EXTL3: variants seen among roughly 807,000 people sequenced by gnomAD.
The protein encoded by EXTL3 is exostosin-like 3.
Under a neutral mutation model 69.3 loss-of-function variants are expected in EXTL3, and 27 were observed. The observed-to-expected ratio is 0.39, with a 90% CI of 0.29 to 0.54. The LOEUF is 0.54. Among genes scored for constraint, EXTL3 ranks in the 20% least tolerant of loss-of-function variants. The pLI, the probability that EXTL3 is intolerant of heterozygous loss-of-function variation, is 0.69. For synonymous variants in EXTL3, 511 were observed against 499.4 expected (o/e 1.02, Z -0.31); for missense variants, 1,003 against 1,231.8 (o/e 0.81, Z 2.78).
Position 28,643,426 on chromosome 8 carries a change from C to CTTTTTTTT in EXTL3, c.-53+20622_-53+20623insTTTTTTTT, listed in dbSNP as rs138680672. ...CTGCTTTCTTTTTTTTTCTTTTTTT[C>CTTTTTTTT]TTTTTTGAGACAGAGTCTCGCTCTT... On this transcript the variant is annotated intron_variant, in intron 1 of 6. Coordinates refer to the EXTL3 transcript ENST00000523149. Among the ~76,000 whole-genome samples, 9 of 143,970 alleles carry CTTTTTTTT rather than the reference C, an allele frequency of 6.3e-5. 1 individual carries two copies. The highest frequency in any genetic ancestry group is 7.9e-5 in the African/African-American group (3 of 38,078). The allele number at this position is 143,970 out of a possible 152,430, so 94.4% of individuals were successfully genotyped here.
At chr8:28,635,213 A>G (rs1018640523) in intron 1 of EXTL3, among the ~76,000 whole-genome samples, 1 of 151,954 alleles carries the variant, frequency 6.6e-6, no homozygotes, top group Non-Finnish European at 1.5e-5. Flanking sequence ...CTTTTCCTTT[A>G]TGTGAAGGAT....
At position 28,717,192 on chromosome 8, in the gene EXTL3, G is replaced by A. The variant is rs756798475; in HGVS notation, c.1133G>A (p.Arg378Gln). The A allele has an allele frequency of 8.7e-6, 14 of 1,614,104 alleles. No homozygotes were observed. Among genetic ancestry groups the A allele is most frequent in the East Asian group, 4.5e-5 (2 of 44,894 alleles). ...EGDPPADYDDRIIATLKAVQD... is the reference protein window; with the variant it reads ...EGDPPADYDDQIIATLKAVQD... ...GACCCTCCCGCCGACTACGATGACCGGATCATTGCCACCCTGAAGGCGGTG... is the reference window on the plus strand; with the variant it reads ...GACCCTCCCGCCGACTACGATGACCAGATCATTGCCACCCTGAAGGCGGTG... The change falls in exon 3 of 7, where the codon CGG (arginine) becomes CAG (glutamine). Residue 378 changes from arginine to glutamine, a missense_variant. Coordinates refer to ENST00000220562, the MANE Select transcript of EXTL3 (RefSeq NM_001440.4). This position sits in a 1 kb window ranked among gnomAD's most constrained non-coding sequence, Gnocchi z 8.3.
At chr8:28,678,629 C>A (rs1004002274) in intron 1 of EXTL3, among the ~76,000 whole-genome samples, 13 of 152,188 alleles carry the variant, frequency 8.5e-5, no homozygotes, top group African/African-American at 3.1e-4. Context: ...GCTTTTTGTG[C>A]AGCCTGCAGA....
At chr8:28,650,060 G>A (rs1372689775) in intron 1 of EXTL3, among the ~76,000 whole-genome samples, 1 of 151,808 alleles carries the variant, frequency 6.6e-6, no homozygotes, top group East Asian at 1.9e-4. Flanking sequence ...GCTGAGTGTG[G>A]TGGCGCACAC....
intron 2 of EXTL3, among the ~76,000 whole-genome samples, chr8:28,616,863 C>G (rs1462026501): frequency 6.6e-6 from 1 of 152,220 alleles, no homozygotes; most frequent in Non-Finnish European, 1.5e-5. Flanking sequence ...TCGGAACCAG[C>G]TGTGGACACT....
intron 1 of EXTL3, among the ~76,000 whole-genome samples, chr8:28,706,787 T>C (rs945367260): frequency 6.6e-6 from 1 of 152,214 alleles, no homozygotes; most frequent in African/African-American, 2.4e-5. Flanking sequence ...GATTGCTTTC[T>C]TTTAATTCTG....
At chr8:28,703,824 C>A (rs1187239800) in intron 1 of EXTL3, among the ~76,000 whole-genome samples, 2 of 152,224 alleles carry the variant, frequency 1.3e-5, no homozygotes, top group Admixed American at 1.3e-4. Flanking sequence ...CAGAAAACTT[C>A]TATTAACATA....
At chr8:28,618,694 A>T (rs1370689535), upstream of EXTL3, among the ~76,000 whole-genome samples, 1 of 152,270 alleles carries the variant, frequency 6.6e-6, no homozygotes, top group Middle Eastern at 3.4e-3. Context: ...GAAAGCAGTG[A>T]GAGAACCCCG....
intron 1 of EXTL3, among the ~76,000 whole-genome samples, chr8:28,691,571 G>GTTTTTTTTTTTTTTTTTT (rs1800612428): frequency 1.1e-4 from 7 of 66,004 alleles, no homozygotes; most frequent in African/African-American, 5.1e-4. Flanking sequence ...CAGTTTTTGT[G>GTTTTTTTTTTTTTTTTTT]ATTTTTTTTT....
intron 1 of EXTL3, chr8:28,678,244 GTT>G (rs2130654749): frequency 6.6e-6 from 1 of 152,402 alleles, no homozygotes; most frequent in African/African-American, 2.4e-5. Context: ...ACACTGAATT[GTT>G]TTCTTCTACA....
chr8:28,642,667 A>G (rs577090067), intron 1 of EXTL3, among the ~76,000 whole-genome samples: 16 of 152,192 alleles, frequency 1.1e-4, no homozygotes, highest in African/African-American at 3.6e-4. Flanking sequence ...ATTGACCAAT[A>G]TATTATGAAA....
At chr8:28,655,861 A>G (rs751017910) in intron 1 of EXTL3, among the ~76,000 whole-genome samples, 5 of 152,154 alleles carry the variant, frequency 3.3e-5, no homozygotes, top group South Asian at 4.1e-4. Flanking sequence ...TCTGCTATTT[A>G]CAGAATGATT....
At chr8:28,626,588 G>A (rs934665515) in intron 1 of EXTL3, among the ~76,000 whole-genome samples, 5 of 152,094 alleles carry the variant, frequency 3.3e-5, no homozygotes, top group Non-Finnish European at 7.4e-5. Flanking sequence ...ATTAATAGGC[G>A]CATTCTGTAA....
chr8:28,615,909 T>A (rs1352410290), intron 2 of EXTL3, among the ~76,000 whole-genome samples: 6 of 152,052 alleles, frequency 3.9e-5, no homozygotes, highest in Admixed American at 3.9e-4. Context: ...GCATAGTATG[T>A]CTTTCTCCAG....
chr8:28,673,000 A>T (rs1455925699), intron 1 of EXTL3, among the ~76,000 whole-genome samples: 1 of 152,222 alleles, frequency 6.6e-6, no homozygotes. Context: ...GCCTGTGGCC[A>T]TGTAAGATGT....
chr8:28,683,207 T>C (rs1201321790), intron 1 of EXTL3, among the ~76,000 whole-genome samples: 1 of 152,166 alleles, frequency 6.6e-6, no homozygotes, highest in Non-Finnish European at 1.5e-5. Context: ...GTTCTTTTCA[T>C]TCAAGATTGT....
At chr8:28,611,614 G>T (rs369503238) in intron 2 of EXTL3, among the ~76,000 whole-genome samples, 1 of 152,174 alleles carries the variant, frequency 6.6e-6, no homozygotes, top group Non-Finnish European at 1.5e-5. Flanking sequence ...CTTTCACAGC[G>T]AGAGGGGTGA....
At chr8:28,640,232 A>G (rs528945930) in intron 1 of EXTL3, among the ~76,000 whole-genome samples, 41 of 152,372 alleles carry the variant, frequency 2.7e-4, no homozygotes, top group Middle Eastern at 3.4e-3. Context: ...GACTTGTACC[A>G]TAAAATGAGA....
intron 6 of EXTL3, among the ~76,000 whole-genome samples, chr8:28,748,094 T>C (rs1409623196): frequency 6.6e-6 from 1 of 152,196 alleles, no homozygotes; most frequent in Non-Finnish European, 1.5e-5. Flanking sequence ...GACAGTAGGC[T>C]GGGCGCTGTG....
Sources: gnomAD v4.1 joint callset for allele counts (sites outside exome capture counted in the v4.1 genomes callset) on GRCh38, gnomAD v4.1.1 for gene constraint, Gnocchi (gnomAD v3.1) non-coding constraint, MANE v1.5 for transcripts, NCBI Gene and HGNC (gene_info 2026-07-23, HGNC 2026-07-21) for gene names.